Variants in KIF6 observed in about 807,000 individuals in gnomAD.
KIF6 encodes kinesin family member 6.
KIF6 carries 106 observed loss-of-function variants against 112.7 expected under a neutral mutation model. The ratio of observed to expected loss-of-function variants is 0.94; its 90% CI spans 0.80 to 1.11. The LOEUF (loss-of-function observed/expected upper bound fraction) is 1.11, where lower values mean the gene tolerates loss of function less well. Ranked by LOEUF, KIF6 falls within the 50% of genes least tolerant of loss-of-function variation. The pLI is 0.00. For synonymous variants in KIF6, 339 were observed against 339.9 expected, an observed-to-expected ratio of 1.00 and a Z score of 0.03; for missense variants, 929 against 964.0, an observed-to-expected ratio of 0.96 and a Z score of 0.48.
At position 39,639,707 on chromosome 6, in the gene KIF6, C is replaced by T. The variant is rs148196382; in HGVS notation, c.302G>A (p.Ser101Asn). ...CCCTGTGATAGTGAATGTCTTCCCG[C>T]TGCCTGTTTGCCCATATGCAAAGAT... ...GTIFAYGQTGSGKTFTITGGA... is the reference protein window; with the variant it reads ...GTIFAYGQTGNGKTFTITGGA... Residue 101 changes from serine (S) to asparagine (N), a missense_variant, in exon 4 of 23, where the codon AGC becomes AAC. This residue lies in a region of KIF6 where 688 missense variants were observed against 662.7 expected (regional missense o/e 1.04). Coordinates refer to ENST00000287152, the MANE Select transcript of KIF6 (RefSeq NM_145027.6). 52 of 1,612,412 alleles carry T rather than the reference C, an allele frequency of 3.2e-5. No homozygotes were observed. Among genetic ancestry groups the T allele is most frequent in the Middle Eastern group, 3.3e-4 (2 of 6,070 alleles).
intron 19 of KIF6, among the ~76,000 whole-genome samples, chr6:39,350,324 A>G (rs1003193730): frequency 6.6e-6 from 1 of 152,146 alleles, no homozygotes; most frequent in Non-Finnish European, 1.5e-5. Flanking sequence ...TGTCCCTAAA[A>G]GGCAGTCATT....
Position 39,346,088 on chromosome 6 carries a change from C to CTCTCTCTCT in KIF6, c.2232-300_2232-299insAGAGAGAGA, listed in dbSNP as rs1562112892. 5.8e-4 allele frequency among the ~76,000 whole-genome samples: 20 copies of CTCTCTCTCT among 34,492 alleles called. 2 individuals are homozygous for CTCTCTCTCT. Among genetic ancestry groups the CTCTCTCTCT allele is most frequent in the African/African-American group, 3.0e-3 (18 of 6,090 alleles). The allele number at this position is 34,492 out of a possible 152,430, so 22.6% of individuals were successfully genotyped here. ...TCTCTCTCTCTCTCTCTCTCTCTCC[C>CTCTCTCTCT]CCCCCTCTCCCTCCCCCCCTCCCTC... is the stretch of plus-strand genomic sequence containing the variant. On this transcript the variant is annotated intron_variant, in intron 20 of 22. Coordinates refer to ENST00000287152, the MANE Select transcript of KIF6 (RefSeq NM_145027.6).
At chr6:39,538,071 A>G (rs920921348) in intron 13 of KIF6, among the ~76,000 whole-genome samples, 1 of 152,232 alleles carries the variant, frequency 6.6e-6, no homozygotes, top group African/African-American at 2.4e-5. Flanking sequence ...TTAATTCAAG[A>G]TGGATTAAAG....
At chr6:39,460,594 T>TCTA (rs201151287) in intron 13 of KIF6, among the ~76,000 whole-genome samples, 1,948 of 146,696 alleles carry the variant, frequency 0.013, 48 homozygotes, top group African/African-American at 0.046. Flanking sequence ...AGGCATATTG[T>TCTA]CTACTAAGGA....
In KIF6 at chr6:39,718,552, C is replaced by CTGGG. The variant is rs1404683170; in HGVS notation, c.176+2146_176+2149dup. 9 of 147,786 alleles carry CTGGG rather than the reference C, an allele frequency of 6.1e-5. 1 individual carries two copies. The highest frequency in any genetic ancestry group is 7.4e-5 in the Non-Finnish European group (5 of 67,542). The allele number at this position is 147,786 out of a possible 1,614,324, so 9.2% of individuals were successfully genotyped here. A position where few individuals can be genotyped will look rare whatever the true frequency, so the allele number is the denominator to read the frequency against. Reference sequence around the variant, plus strand: ...TTGAGCCCAGGAGTTCAAGACCAGCCTGGGCAACATGGTAAAACCCAGTCT... The same window carrying CTGGG: ...TTGAGCCCAGGAGTTCAAGACCAGCCTGGGTGGGCAACATGGTAAAACCCAGTCT... On this transcript the variant is annotated intron_variant, in intron 2 of 22. Transcript: ENST00000287152.
intron 3 of KIF6, among the ~76,000 whole-genome samples, chr6:39,672,918 A>G (rs1352849130): frequency 1.3e-5 from 2 of 152,212 alleles, no homozygotes; most frequent in Non-Finnish European, 2.9e-5. Flanking sequence ...GCAAGTAGAA[A>G]AGAAATTGGT....
chr6:39,586,214 G>A, intron 8 of KIF6, 47 bp downstream of exon 8: 2 of 1,604,870 alleles, frequency 1.2e-6, no homozygotes, highest in Non-Finnish European at 8.5e-7. Context: ...TCACGTGCTA[G>A]CAGTAAAAAC....
Position 39,525,770 on chromosome 6 carries a change from C to T in KIF6, c.1645+14233G>A, listed in dbSNP as rs982549778. 1.3e-4 allele frequency among the ~76,000 whole-genome samples: 19 copies of T among 150,906 alleles called. No homozygotes were observed. The East Asian group carries it at 2.1e-3, about 17-fold the overall frequency. On this transcript the variant is annotated intron_variant, in intron 13 of 22. Coordinates refer to ENST00000287152, the MANE Select transcript of KIF6 (RefSeq NM_145027.6). ...TGGCTCCATTGCACTTCAGCCTGGG[C>T]GACAGAGTGAGACTCCATCTCAATA...
intron 14 of KIF6, among the ~76,000 whole-genome samples, chr6:39,422,972 C>T (rs1190429734): frequency 6.6e-6 from 1 of 152,176 alleles, no homozygotes. Context: ...TGAGGCTGCA[C>T]CTTGAGGAGG....
intron 2 of KIF6, among the ~76,000 whole-genome samples, chr6:39,716,610 T>A (rs181208043): frequency 2.0e-5 from 3 of 152,320 alleles, no homozygotes; most frequent in Admixed American, 2.0e-4. Flanking sequence ...AGGTTCAGTC[T>A]AATGATTAAC....
intron 13 of KIF6, among the ~76,000 whole-genome samples, chr6:39,431,797 C>T (rs547406173): frequency 2.0e-5 from 3 of 152,206 alleles, no homozygotes; most frequent in East Asian, 1.9e-4. Flanking sequence ...CACTGCTGGG[C>T]GCTGTTCAGA....
rs142698460 is a variant in KIF6, at chr6:39,670,230, A to G, written c.252-30473T>C. On this transcript the variant is annotated intron_variant, in intron 3 of 22. Transcript: ENST00000287152. The stretch of plus-strand genomic sequence containing the variant: ...AGTAACAATTTGTTAATATGATGAC[A>G]CTTCATCATAATGCTGTTTTAGACT... 1.8e-4 allele frequency among the ~76,000 whole-genome samples: 28 copies of G among 152,328 alleles called. 2 individuals carry two copies. In the East Asian group the frequency reaches 4.4e-3, roughly 24 times the overall value.
chr6:39,695,092 G>A (rs1047612064), intron 3 of KIF6, among the ~76,000 whole-genome samples: 7 of 152,058 alleles, frequency 4.6e-5, no homozygotes, highest in Admixed American at 4.6e-4. Flanking sequence ...TGAATAAATG[G>A]TGCTGGGAAA....
chr6:39,501,131 G>A (rs145585143), intron 13 of KIF6, among the ~76,000 whole-genome samples: 1 of 152,188 alleles, frequency 6.6e-6, no homozygotes, highest in Non-Finnish European at 1.5e-5. Flanking sequence ...CAGAGCCAAG[G>A]GAATTCCCAC....
At chr6:39,387,090 C>G (rs1767491591) in intron 15 of KIF6, among the ~76,000 whole-genome samples, 1 of 152,034 alleles carries the variant, frequency 6.6e-6, no homozygotes, top group African/African-American at 2.4e-5. Flanking sequence ...TCATTCAGTT[C>G]AACTTTGCAG....
At chr6:39,430,935 T>G in intron 14 of KIF6, 118 bp downstream of exon 14, 1 of 594,272 alleles carries the variant, frequency 1.7e-6, no homozygotes, top group Non-Finnish European at 3.0e-6. Flanking sequence ...TGAATAAACA[T>G]TATGCTTTTC....
intron 15 of KIF6, among the ~76,000 whole-genome samples, chr6:39,411,354 C>T (rs956005321): frequency 2.0e-5 from 3 of 152,152 alleles, no homozygotes; most frequent in African/African-American, 7.2e-5. Context: ...ATCTTATGAT[C>T]GTATCTTAAT....
At chr6:39,580,508 C>T (rs1354993220) in intron 9 of KIF6, among the ~76,000 whole-genome samples, 2 of 152,092 alleles carry the variant, frequency 1.3e-5, no homozygotes, top group African/African-American at 4.8e-5. Context: ...GCTAGGACTT[C>T]CAAGTTCAAT....
chr6:39,701,273 C>A (rs1428652456), intron 3 of KIF6, among the ~76,000 whole-genome samples: 1 of 152,354 alleles, frequency 6.6e-6, no homozygotes, highest in African/African-American at 2.4e-5. Flanking sequence ...GTCCAGCCCC[C>A]ACGGGAAGCC....
Sources: gnomAD v4.1 joint callset for allele counts (sites outside exome capture counted in the v4.1 genomes callset) on GRCh38, gnomAD v4.1.1 for gene constraint, gnomAD v4.1.1 regional missense constraint, MANE v1.5 for transcripts, NCBI Gene and HGNC (gene_info 2026-07-23, HGNC 2026-07-21) for gene names.